Variants in CNTNAP2 observed in about 807,000 individuals in gnomAD.
The protein encoded by CNTNAP2 is contactin associated protein 2.
A neutral mutation model predicts 155.2 loss-of-function variants in CNTNAP2; 98 were observed. That is an observed-to-expected ratio of 0.63 (90% CI 0.54 to 0.75). The LOEUF (loss-of-function observed/expected upper bound fraction) is 0.75, where lower values mean the gene tolerates loss of function less well. CNTNAP2 is among the 30% of genes least tolerant of loss of function. The pLI is 0.00. For missense variants in CNTNAP2, 1,727 were observed against 1,688.1 expected (o/e 1.02, Z -0.40); for synonymous variants, 651 against 631.2 (o/e 1.03, Z -0.47).
intron 13 of CNTNAP2, among the ~76,000 whole-genome samples, chr7:147,646,668 C>A (rs79649500): frequency 0.021 from 3,168 of 152,084 alleles, 116 homozygotes; most frequent in African/African-American, 0.072. Flanking sequence ...TGCATGATGT[C>A]TGAAGCAAGG....
intron 23 of CNTNAP2, among the ~76,000 whole-genome samples, chr7:148,410,570 A>AC (rs761301153): frequency 1.3e-5 from 1 of 77,560 alleles, no homozygotes; most frequent in Non-Finnish European, 3.5e-5. Flanking sequence ...TTTCTCAAAA[A>AC]AAAAAAAAAA....
chr7:148,003,208 A>G (rs1481172301), intron 15 of CNTNAP2, among the ~76,000 whole-genome samples: 1 of 152,198 alleles, frequency 6.6e-6, no homozygotes, highest in African/African-American at 2.4e-5. Context: ...AATTCAGGAT[A>G]AAACACACAG....
chr7:147,269,613 A>C, intron 8 of CNTNAP2, among the ~76,000 whole-genome samples: 1 of 152,158 alleles, frequency 6.6e-6, no homozygotes, highest in East Asian at 1.9e-4. Flanking sequence ...CTTGTTTTTG[A>C]TGATATTGCT....
At chr7:146,850,974 T>A (rs1261079166) in intron 3 of CNTNAP2, among the ~76,000 whole-genome samples, 2 of 151,936 alleles carry the variant, frequency 1.3e-5, no homozygotes, top group African/African-American at 4.8e-5. Flanking sequence ...GATGTTGGTA[T>A]TTTATTTATT....
chr7:146,206,197 T>G (rs1798943898), intron 1 of CNTNAP2, among the ~76,000 whole-genome samples: 1 of 151,760 alleles, frequency 6.6e-6, no homozygotes, highest in Admixed American at 6.6e-5. Context: ...AAGAGTGTGT[T>G]GAACCATTCC....
At chr7:147,241,594 C>G (rs146838406) in intron 8 of CNTNAP2, among the ~76,000 whole-genome samples, 11,494 of 148,716 alleles carry the variant, frequency 0.077, 478 homozygotes, top group Non-Finnish European at 0.095. Context: ...TGCCATTGCA[C>G]TCCAGCCTGG....
At chr7:147,809,873 C>T (rs1664775179) in intron 13 of CNTNAP2, among the ~76,000 whole-genome samples, 1 of 152,168 alleles carries the variant, frequency 6.6e-6, no homozygotes, top group South Asian at 2.1e-4. Flanking sequence ...GTGTGAGGTG[C>T]TGAGGAAGGC....
chr7:146,557,571 G>A lies in CNTNAP2; in HGVS notation c.98-216700G>A, dbSNP rs147368975. Reference sequence around the variant, plus strand: ...ATAAGAGGCCCAGTAAGTCATACAGGTTAGAATTCTCAGAAAGTTAAAAGC... The same window carrying A: ...ATAAGAGGCCCAGTAAGTCATACAGATTAGAATTCTCAGAAAGTTAAAAGC... On this transcript the variant is annotated intron_variant, in intron 1 of 23. Coordinates refer to ENST00000361727, the MANE Select transcript of CNTNAP2 (RefSeq NM_014141.6). Among the ~76,000 whole-genome samples the A allele has an allele frequency of 3.8e-4, 58 of 152,142 alleles. 1 individual carries two copies. The South Asian group carries it at 0.011, about 30-fold the overall frequency.
chr7:146,154,449 T>C (rs1404185693), intron 1 of CNTNAP2, among the ~76,000 whole-genome samples: 1 of 152,198 alleles, frequency 6.6e-6, no homozygotes, highest in Non-Finnish European at 1.5e-5. Context: ...TGCACTTTCT[T>C]AGACAAAGAC....
At chr7:147,475,224 T>C (rs1483047357) in intron 10 of CNTNAP2, among the ~76,000 whole-genome samples, 1 of 152,288 alleles carries the variant, frequency 6.6e-6, no homozygotes, top group East Asian at 1.9e-4. Flanking sequence ...GAAAGTACAC[T>C]AGTGCGTGTA....
chr7:146,490,534 G>A (rs28451197), intron 1 of CNTNAP2, among the ~76,000 whole-genome samples: 33,010 of 151,982 alleles, frequency 0.22, 4,998 homozygotes, highest in African/African-American at 0.43. Flanking sequence ...AAACAGGTAT[G>A]AACAAAAAAC....
Position 148,415,548 on chromosome 7 carries a change from G to GCCATCATGAA in CNTNAP2, c.3930_3939dup (p.Asn1314HisfsTer13). 6.2e-7 allele frequency: 1 copy of GCCATCATGAA among 1,614,216 alleles called. No individual in the cohort carries two copies. Among genetic ancestry groups the GCCATCATGAA allele is most frequent in the Non-Finnish European group, 8.5e-7 (1 of 1,180,044 alleles). On this transcript the variant is annotated frameshift_variant, in exon 24 of 24. Coordinates refer to ENST00000361727, the MANE Select transcript of CNTNAP2 (RefSeq NM_014141.6). LOFTEE classifies it high-confidence loss of function. ...GGAGTCGGCAGAGAGCGCGGACGCCGCCATCATGAACAACGACCCCAACTT... is the reference window on the plus strand; with the variant it reads ...GGAGTCGGCAGAGAGCGCGGACGCCGCCATCATGAACCATCATGAACAACGACCCCAACTT...
At chr7:147,785,078 A>G (rs1797720013) in intron 13 of CNTNAP2, among the ~76,000 whole-genome samples, 1 of 152,178 alleles carries the variant, frequency 6.6e-6, no homozygotes, top group Non-Finnish European at 1.5e-5. Flanking sequence ...CAGTGCACAT[A>G]GCAAGTAGGC....
intron 13 of CNTNAP2, among the ~76,000 whole-genome samples, chr7:147,647,163 C>CT (rs528571016): frequency 1.7e-3 from 244 of 146,796 alleles, no homozygotes; most frequent in African/African-American, 5.4e-3. Flanking sequence ...AATTTTTTTT[C>CT]TTTTTTTTTT....
chr7:146,446,635 T>A (rs1016210071), intron 1 of CNTNAP2, among the ~76,000 whole-genome samples: 1 of 152,078 alleles, frequency 6.6e-6, no homozygotes, highest in Non-Finnish European at 1.5e-5. Context: ...AGTGAGAAGT[T>A]GGTGAAGGTA....
At chr7:146,150,522 A>AT (rs1375066988) in intron 1 of CNTNAP2, among the ~76,000 whole-genome samples, 2 of 151,948 alleles carry the variant, frequency 1.3e-5, no homozygotes, top group Admixed American at 6.6e-5. Context: ...AAGGTTACAG[A>AT]TTTTTTATAT....
At chr7:146,797,438 T>C (rs2129190632) in intron 2 of CNTNAP2, among the ~76,000 whole-genome samples, 1 of 152,344 alleles carries the variant, frequency 6.6e-6, no homozygotes, top group Non-Finnish European at 1.5e-5. Context: ...TCTGTAATTC[T>C]TAGGAGATTT....
chr7:146,540,800 G>A (rs1405177), intron 1 of CNTNAP2, among the ~76,000 whole-genome samples: 59,757 of 151,754 alleles, frequency 0.39, 12,393 homozygotes, highest in East Asian at 0.52. Flanking sequence ...TTAACTTACT[G>A]TTAGAAAAAT....
intron 4 of CNTNAP2, among the ~76,000 whole-genome samples, chr7:147,088,177 A>G (rs1209300679): frequency 6.6e-6 from 1 of 152,198 alleles, no homozygotes; most frequent in Non-Finnish European, 1.5e-5. Flanking sequence ...AAATTTCAAG[A>G]GGGAATGATT....
Sources: gnomAD v4.1 joint callset for allele counts (sites outside exome capture counted in the v4.1 genomes callset) on GRCh38, gnomAD v4.1.1 for gene constraint, MANE v1.5 for transcripts, NCBI Gene and HGNC (gene_info 2026-07-23, HGNC 2026-07-21) for gene names.